Variants in NRXN3 observed in about 807,000 individuals in gnomAD.
NRXN3 encodes neurexin 3.
In NRXN3, 32 loss-of-function variants were observed where a neutral mutation model predicts 137.6. The observed-to-expected ratio is 0.23, with a 90% CI of 0.18 to 0.31. NRXN3 has a LOEUF of 0.31. NRXN3 is among the 10% of genes least tolerant of loss of function. NRXN3 has a pLI of 1.00. For missense variants in NRXN3, 1,574 were observed against 2,062.5 expected (o/e 0.76, Z 4.59); for synonymous variants, 798 against 784.5 (o/e 1.02, Z -0.29).
intron 16 of NRXN3, among the ~76,000 whole-genome samples, chr14:79,528,614 C>T (rs561079271): frequency 6.6e-6 from 1 of 150,972 alleles, no homozygotes; most frequent in South Asian, 2.1e-4. Flanking sequence ...AATTTTGATT[C>T]TTTTTGTTTG....
intron 1 of NRXN3, among the ~76,000 whole-genome samples, chr14:78,175,374 T>G (rs1428063486): frequency 6.6e-6 from 1 of 152,102 alleles, no homozygotes; most frequent in Non-Finnish European, 1.5e-5. Flanking sequence ...GAGAAGAGAT[T>G]GTTCTTGGTA....
chr14:78,905,026 C>T (rs1414444195), intron 10 of NRXN3, among the ~76,000 whole-genome samples: 4 of 152,130 alleles, frequency 2.6e-5, no homozygotes, highest in African/African-American at 9.6e-5. Flanking sequence ...AACTCTTTGG[C>T]CATGTATCCT....
intron 16 of NRXN3, among the ~76,000 whole-genome samples, chr14:79,606,693 G>A (rs1042777989): frequency 6.6e-6 from 1 of 152,134 alleles, no homozygotes; most frequent in African/African-American, 2.4e-5. Flanking sequence ...GGTACTTATT[G>A]AGCATCTATT....
intron 15 of NRXN3, among the ~76,000 whole-genome samples, chr14:79,358,078 A>G (rs2093489420): frequency 6.6e-6 from 1 of 152,176 alleles, no homozygotes; most frequent in Non-Finnish European, 1.5e-5. Flanking sequence ...CTCTTGTGGC[A>G]TCTACTACAC....
intron 4 of NRXN3, among the ~76,000 whole-genome samples, chr14:78,399,415 A>C (rs1447635123): frequency 6.6e-6 from 1 of 152,196 alleles, no homozygotes. Flanking sequence ...CAAAAACACC[A>C]AAGCATTTGA....
chr14:78,471,259 T>TCTTTCTTCC (rs2095260557), intron 4 of NRXN3, among the ~76,000 whole-genome samples: 2 of 151,452 alleles, frequency 1.3e-5, no homozygotes, highest in Admixed American at 1.3e-4. Context: ...TTCATTCTTC[T>TCTTTCTTCC]CTTTCTTCCC....
chr14:79,580,091 G>C lies in NRXN3; in HGVS notation c.3445-83687G>C, dbSNP rs141415678. On this transcript the variant is annotated intron_variant, in intron 16 of 20. Transcript: ENST00000335750. ...ATTTCATTTAACGTAATGACTTCTA[G>C]TTTCATCCATGTTGCTGCAAACACA... Among the ~76,000 whole-genome samples, 957 of 152,172 alleles carry C rather than the reference G, an allele frequency of 6.3e-3. 8 individuals are homozygous for C. The highest frequency in any genetic ancestry group is 7.3e-3 in the Non-Finnish European group (499 of 67,998).
At chr14:78,176,525 T>A (rs965036330) in intron 1 of NRXN3, among the ~76,000 whole-genome samples, 6 of 152,130 alleles carry the variant, frequency 3.9e-5, no homozygotes, top group African/African-American at 1.4e-4. Context: ...ATCTGTCTCA[T>A]GCCAGAGCCC....
chr14:78,192,131 C>T (rs1342403238), intron 1 of NRXN3, among the ~76,000 whole-genome samples: 7 of 148,938 alleles, frequency 4.7e-5, no homozygotes, highest in African/African-American at 1.7e-4. Context: ...TACATGTGTG[C>T]AAGTGTGTAA....
intron 8 of NRXN3, among the ~76,000 whole-genome samples, chr14:78,757,846 T>C (rs960123101): frequency 6.6e-6 from 1 of 152,194 alleles, no homozygotes; most frequent in East Asian, 1.9e-4. Context: ...GAAGGGCATA[T>C]GGGAGCTTAC....
chr14:78,779,071 C>T (rs774128202), intron 8 of NRXN3, among the ~76,000 whole-genome samples: 40 of 151,954 alleles, frequency 2.6e-4, no homozygotes, highest in Middle Eastern at 3.4e-3. Flanking sequence ...ATCATTAAAC[C>T]ATCTTCTATT....
At chr14:79,208,285 T>C (rs531223479) in intron 15 of NRXN3, among the ~76,000 whole-genome samples, 5 of 152,292 alleles carry the variant, frequency 3.3e-5, no homozygotes, top group Non-Finnish European at 7.3e-5. Context: ...AGTTCCTGCA[T>C]TTATGGAAAA....
intron 16 of NRXN3, among the ~76,000 whole-genome samples, chr14:79,556,436 A>G (rs1379739376): frequency 1.3e-5 from 2 of 152,154 alleles, no homozygotes; most frequent in South Asian, 2.1e-4. Context: ...TGGCAAATGG[A>G]TATAAACAAA....
intron 15 of NRXN3, among the ~76,000 whole-genome samples, chr14:79,365,388 G>A (rs2093841294): frequency 2.0e-5 from 3 of 152,256 alleles, no homozygotes; most frequent in Admixed American, 2.0e-4. Context: ...AATAGGGCAA[G>A]TGTTATTTCT....
chr14:78,629,102 A>G (rs2097495847), intron 4 of NRXN3, among the ~76,000 whole-genome samples: 2 of 152,194 alleles, frequency 1.3e-5, no homozygotes, highest in African/African-American at 4.8e-5. Flanking sequence ...ATAAGCTTCA[A>G]AAATGGTAGC....
chr14:79,757,600 A>G (rs1303390922), intron 19 of NRXN3, among the ~76,000 whole-genome samples: 1 of 152,208 alleles, frequency 6.6e-6, no homozygotes, highest in African/African-American at 2.4e-5. Flanking sequence ...TCTGTGAAGC[A>G]TTTGGTGTCA....
At chr14:79,803,023 A>G (rs1032149709) in intron 19 of NRXN3, among the ~76,000 whole-genome samples, 2 of 152,184 alleles carry the variant, frequency 1.3e-5, no homozygotes, top group Admixed American at 6.6e-5. Flanking sequence ...CGTTTTGCAC[A>G]TGTATCCTGG....
intron 15 of NRXN3, among the ~76,000 whole-genome samples, chr14:79,110,998 G>A (rs905743881): frequency 2.6e-5 from 4 of 151,982 alleles, no homozygotes; most frequent in Admixed American, 2.0e-4. Flanking sequence ...CACCGTGTTA[G>A]CCAGGATGGT....
intron 4 of NRXN3, among the ~76,000 whole-genome samples, chr14:78,604,474 C>T (rs1314380943): frequency 6.6e-6 from 1 of 152,132 alleles, no homozygotes; most frequent in Non-Finnish European, 1.5e-5. Context: ...CAGTTGAGTA[C>T]TAACTACTCT....
Sources: allele counts gnomAD v4.1 joint callset (sites outside exome capture counted in the v4.1 genomes callset), GRCh38; gene constraint gnomAD v4.1.1; transcripts MANE v1.5; gene names NCBI Gene and HGNC (gene_info 2026-07-23, HGNC 2026-07-21).